RBFOX1: variants seen among roughly 807,000 people sequenced by gnomAD.
RBFOX1 encodes the protein RNA binding protein fox-1 homolog 1.
Under a neutral mutation model 57.7 loss-of-function variants are expected in RBFOX1, and 8 were observed. The observed-to-expected ratio is 0.14, with a 90% CI of 0.08 to 0.25. RBFOX1 has a LOEUF of 0.25. Among genes scored for constraint, RBFOX1 ranks in the 10% least tolerant of loss-of-function variants. The pLI, the probability that RBFOX1 is intolerant of heterozygous loss-of-function variation, is 1.00. For synonymous variants in RBFOX1, 326 were observed against 222.4 expected, an observed-to-expected ratio of 1.47 and a Z score of -4.15; for missense variants, 611 against 548.5, an observed-to-expected ratio of 1.11 and a Z score of -1.14.
At chr16:6,012,687 C>T (rs2094968678) in intron 4 of RBFOX1, among the ~76,000 whole-genome samples, 1 of 152,140 alleles carries the variant, frequency 6.6e-6, no homozygotes, top group Non-Finnish European at 1.5e-5. Context: ...GTTTTGGAAG[C>T]CCGTTGATTT....
chr16:6,773,240 G>A (rs2078704822), intron 3 of RBFOX1, among the ~76,000 whole-genome samples: 1 of 144,324 alleles, frequency 6.9e-6, no homozygotes, highest in African/African-American at 2.6e-5. Flanking sequence ...GTGCATTTGT[G>A]TGTGTGTGTG....
intron 3 of RBFOX1, among the ~76,000 whole-genome samples, chr16:6,682,720 A>G (rs1029538573): frequency 3.9e-5 from 6 of 152,060 alleles, no homozygotes; most frequent in Admixed American, 3.3e-4. Flanking sequence ...CTGTTTGACG[A>G]TCATGGTGTG....
rs115158025 is a variant in RBFOX1 at position 6,618,773 on chromosome 16, C to G, written c.-63-35830C>G. Among the ~76,000 whole-genome samples the G allele has an allele frequency of 4.1e-3, 629 of 152,250 alleles. 9 individuals are homozygous for G. Among genetic ancestry groups the G allele is most frequent in the African/African-American group, 0.014 (579 of 41,554 alleles). On this transcript the variant is annotated intron_variant, in intron 2 of 15. Coordinates refer to ENST00000550418, the MANE Select transcript of RBFOX1 (RefSeq NM_018723.4). Reference sequence around the variant, plus strand: ...GCTCATGGTAAACATTCCAAAGAATCCACCAACACAGTGTCCTTGGAGTCC... The same window carrying G: ...GCTCATGGTAAACATTCCAAAGAATGCACCAACACAGTGTCCTTGGAGTCC...
chr16:6,026,021 C>G (rs773997256), intron 1 of RBFOX1, among the ~76,000 whole-genome samples: 1 of 152,158 alleles, frequency 6.6e-6, no homozygotes, highest in Admixed American at 6.5e-5. Flanking sequence ...GATCGCCTCC[C>G]CCACCCACCC....
At chr16:6,571,155 C>T (rs866143051) in intron 2 of RBFOX1, among the ~76,000 whole-genome samples, 2 of 152,102 alleles carry the variant, frequency 1.3e-5, no homozygotes, top group South Asian at 2.1e-4. Flanking sequence ...GCATATAGCC[C>T]GTAATTTGTT....
At chr16:5,871,501 C>A (rs1034132857) in intron 4 of RBFOX1, among the ~76,000 whole-genome samples, 2 of 152,184 alleles carry the variant, frequency 1.3e-5, no homozygotes, top group African/African-American at 4.8e-5. Flanking sequence ...AATCATTAAG[C>A]CTGTTTTATC....
chr16:5,428,589 C>A (rs537065388), intron 1 of RBFOX1, among the ~76,000 whole-genome samples: 41 of 152,068 alleles, frequency 2.7e-4, no homozygotes, highest in African/African-American at 8.7e-4. Flanking sequence ...AAAGAGGAGA[C>A]CAGGAAGGAC....
At chr16:5,265,567 T>C (rs2062837460) in intron 1 of RBFOX1, among the ~76,000 whole-genome samples, 1 of 152,156 alleles carries the variant, frequency 6.6e-6, no homozygotes, top group Non-Finnish European at 1.5e-5. Context: ...TAAAAGAAAA[T>C]TGACAATAAA....
intron 2 of RBFOX1, among the ~76,000 whole-genome samples, chr16:6,547,709 A>T (rs985776216): frequency 1.3e-5 from 2 of 152,078 alleles, no homozygotes; most frequent in Non-Finnish European, 2.9e-5. Flanking sequence ...TAAAGCAGAG[A>T]TCAGAGAAAA....
At chr16:7,261,956 G>C (rs1194219398) in intron 4 of RBFOX1, among the ~76,000 whole-genome samples, 1 of 152,206 alleles carries the variant, frequency 6.6e-6, no homozygotes. Flanking sequence ...AGGGGTGGTA[G>C]GGTGGCTGTT....
intron 1 of RBFOX1, among the ~76,000 whole-genome samples, chr16:6,161,953 T>C (rs1422825524): frequency 6.6e-6 from 1 of 152,238 alleles, no homozygotes; most frequent in African/African-American, 2.4e-5. Context: ...GGAGGCCCTC[T>C]CAGTCCTTCA....
At chr16:7,356,831 C>A (rs947600553) in intron 4 of RBFOX1, among the ~76,000 whole-genome samples, 3 of 152,214 alleles carry the variant, frequency 2.0e-5, no homozygotes, top group African/African-American at 7.2e-5. Context: ...GTTTAGTGGA[C>A]TTACTATTAT....
intron 4 of RBFOX1, among the ~76,000 whole-genome samples, chr16:7,432,229 C>G (rs2098687810): frequency 6.6e-6 from 1 of 152,192 alleles, no homozygotes; most frequent in South Asian, 2.1e-4. Context: ...TCATCCTTGT[C>G]TTAAAGGTAG....
chr16:7,517,425 A>G (rs111847877), intron 4 of RBFOX1, among the ~76,000 whole-genome samples: 12 of 152,156 alleles, frequency 7.9e-5, no homozygotes, highest in African/African-American at 2.2e-4. Context: ...GTTAAATCCA[A>G]TATTTTTCAG....
chr16:6,592,540 G>T (rs1264683861), intron 2 of RBFOX1, among the ~76,000 whole-genome samples: 1 of 152,176 alleles, frequency 6.6e-6, no homozygotes, highest in African/African-American at 2.4e-5. Flanking sequence ...TAAGGTGAGA[G>T]ACTTTGGAGT....
intron 2 of RBFOX1, among the ~76,000 whole-genome samples, chr16:6,387,113 A>C (rs183105476): frequency 1.3e-5 from 2 of 152,312 alleles, no homozygotes; most frequent in Non-Finnish European, 2.9e-5. Flanking sequence ...GCAACCATTC[A>C]ATGAACTTCA....
At chr16:6,851,475 A>T (rs1245399599) in intron 3 of RBFOX1, among the ~76,000 whole-genome samples, 1 of 152,194 alleles carries the variant, frequency 6.6e-6, no homozygotes, top group African/African-American at 2.4e-5. Flanking sequence ...TTAATTTTTA[A>T]AATTCCTTCA....
intron 3 of RBFOX1, among the ~76,000 whole-genome samples, chr16:5,862,611 G>GAGACC (rs1941611340): frequency 6.6e-6 from 1 of 152,180 alleles, no homozygotes; most frequent in Admixed American, 6.5e-5. Context: ...TAGGATGATA[G>GAGACC]AGACCGGGTT....
intron 1 of RBFOX1, among the ~76,000 whole-genome samples, chr16:5,293,357 C>T (rs1011331875): frequency 6.6e-6 from 1 of 152,128 alleles, no homozygotes; most frequent in African/African-American, 2.4e-5. Context: ...ACCTCATCCC[C>T]ACCTCTGCTA....
Sources: allele counts gnomAD v4.1 joint callset (sites outside exome capture counted in the v4.1 genomes callset), GRCh38; gene constraint gnomAD v4.1.1; transcripts MANE v1.5; gene names NCBI Gene and HGNC (gene_info 2026-07-23, HGNC 2026-07-21).